Variants in EBF4 observed in about 807,000 individuals in gnomAD.
EBF4 encodes EBF transcription factor 4, also known as transcription factor COE4.
In EBF4, 34 loss-of-function variants were observed where a neutral mutation model predicts 67.1. The observed-to-expected ratio is 0.51, with a 90% CI of 0.39 to 0.67. The LOEUF (loss-of-function observed/expected upper bound fraction) is 0.67. Among genes scored for constraint, EBF4 ranks in the 30% least tolerant of loss-of-function variants. The probability of loss-of-function intolerance (pLI) is 0.00; values close to 1 mark genes in which losing one functional copy is unlikely to be tolerated. For synonymous variants in EBF4, 387 were observed against 377.7 expected (o/e 1.02, Z -0.29); for missense variants, 837 against 873.3 (o/e 0.96, Z 0.52).
At chr20:2,753,061 G>A (rs182100374) in intron 14 of EBF4, among the ~76,000 whole-genome samples, 9 of 152,382 alleles carry the variant, frequency 5.9e-5, no homozygotes, top group African/African-American at 1.9e-4. Context: ...CCGGCAGAGC[G>A]AGCGAGTTCT....
At chr20:2,752,138 C>A in exon 13 of EBF4, 2 of 1,449,496 alleles carry the variant, frequency 1.4e-6, no homozygotes, top group Non-Finnish European at 1.8e-6. Context: ...TACAGCACCC[C>A]CCGCGCACCC....
chr20:2,702,324 C>T lies in EBF4; in HGVS notation c.138-3253C>T, dbSNP rs138948053. Among the ~76,000 whole-genome samples, 831 of 151,956 alleles carry T rather than the reference C, an allele frequency of 5.5e-3. 6 individuals carry two copies. The highest frequency in any genetic ancestry group is 0.019 in the African/African-American group (782 of 41,424). ...ATGCCTGTAGTCCCAGCTACTCGGACGGCTGAGGTGGGAGGATCACGTGAG... is the reference window on the plus strand; with the variant it reads ...ATGCCTGTAGTCCCAGCTACTCGGATGGCTGAGGTGGGAGGATCACGTGAG... On this transcript the variant is annotated intron_variant, in intron 1 of 16. Coordinates refer to ENST00000609451, the Ensembl canonical transcript of EBF4.
intron 6 of EBF4, among the ~76,000 whole-genome samples, chr20:2,731,472 T>G (rs528786641): frequency 1.3e-5 from 2 of 152,184 alleles, no homozygotes; most frequent in East Asian, 3.9e-4. Flanking sequence ...AGACATAACC[T>G]AAAGGTCCCA....
chr20:2,715,486 G>T (rs2087596217), intron 6 of EBF4, among the ~76,000 whole-genome samples: 1 of 152,096 alleles, frequency 6.6e-6, no homozygotes, highest in Middle Eastern at 3.2e-3. Context: ...TATAAACTAG[G>T]TCAGGAATTG....
intron 1 of EBF4, among the ~76,000 whole-genome samples, chr20:2,697,413 CG>C (rs1256909953): frequency 2.0e-5 from 3 of 148,664 alleles, no homozygotes; most frequent in Non-Finnish European, 3.0e-5. Context: ...GGCGTGGTGG[CG>C]GGCGCCTGTA....
chr20:2,727,880 C>T (rs1368294462), intron 6 of EBF4, among the ~76,000 whole-genome samples: 1 of 152,058 alleles, frequency 6.6e-6, no homozygotes, highest in Non-Finnish European at 1.5e-5. Context: ...CATTGAGATC[C>T]GTTGCCTATT....
intron 4 of EBF4, 67 bp downstream of exon 4, chr20:2,706,331 T>C (rs2087458586): frequency 6.5e-7 from 1 of 1,530,774 alleles, no homozygotes; most frequent in Admixed American, 2.0e-5. Flanking sequence ...CCCCCTGGTC[T>C]GAGTGAGCCT....
Position 2,695,748 on chromosome 20 carries a change from A to G in EBF4, c.137+1966A>G, listed in dbSNP as rs537635186. Among the ~76,000 whole-genome samples, 41 of 152,290 alleles carry G rather than the reference A, an allele frequency of 2.7e-4. No homozygotes were observed. The South Asian group carries it at 7.9e-3, about 29-fold the overall frequency. On this transcript the variant is annotated intron_variant, in intron 1 of 16. Transcript: ENST00000609451. ...GTCTTCTCATCCCAAAACAGCAACA[A>G]TGAAAATTCCTCCCCCTGGCCCTGC...
chr20:2,743,463 G>A (rs1051091122), intron 6 of EBF4, among the ~76,000 whole-genome samples: 2 of 152,222 alleles, frequency 1.3e-5, no homozygotes, highest in African/African-American at 2.4e-5. Flanking sequence ...TGTCAAAAGC[G>A]TGATTCTCAT....
intron 15 of EBF4, among the ~76,000 whole-genome samples, chr20:2,758,627 G>A (rs2088279349): frequency 6.6e-6 from 1 of 152,204 alleles, no homozygotes; most frequent in Non-Finnish European, 1.5e-5. Flanking sequence ...GCTTGAGGAA[G>A]CAGATGGGCC....
At chr20:2,757,654 G>C (rs1379924404) in intron 15 of EBF4, among the ~76,000 whole-genome samples, 1 of 152,202 alleles carries the variant, frequency 6.6e-6, no homozygotes, top group Non-Finnish European at 1.5e-5. Context: ...AAAACATTAA[G>C]AACATAACAT....
exon 13 of EBF4, chr20:2,752,101 C>A: frequency 6.9e-7 from 1 of 1,459,106 alleles, no homozygotes; most frequent in Non-Finnish European, 9.0e-7. Flanking sequence ...GCTCCTGAAG[C>A]GCGCGGCGGA....
chr20:2,752,961 T>G (rs2088180571), intron 14 of EBF4, among the ~76,000 whole-genome samples: 1 of 152,140 alleles, frequency 6.6e-6, no homozygotes, highest in Admixed American at 6.5e-5. Context: ...AACTCAGGGC[T>G]CGAGGGAAGC....
chr20:2,702,159 C>T (rs186793583), intron 1 of EBF4, among the ~76,000 whole-genome samples: 6 of 152,284 alleles, frequency 3.9e-5, no homozygotes, highest in African/African-American at 9.6e-5. Context: ...TGAGGCCGGG[C>T]GCAGTGGCTC....
chr20:2,735,252 C>A (rs6051343), intron 6 of EBF4, among the ~76,000 whole-genome samples: 6,874 of 152,202 alleles, frequency 0.045, 520 homozygotes, highest in African/African-American at 0.15. Flanking sequence ...ACTGGGAATA[C>A]AGCTTGTTGA....
intron 6 of EBF4, among the ~76,000 whole-genome samples, chr20:2,718,816 C>T (rs2087642952): frequency 1.3e-5 from 2 of 152,068 alleles, no homozygotes; most frequent in Non-Finnish European, 2.9e-5. Flanking sequence ...CTTCTGCTTA[C>T]TTTTGGTTAA....
chr20:2,693,321 T>A (rs935259124), upstream of EBF4, among the ~76,000 whole-genome samples: 1 of 149,948 alleles, frequency 6.7e-6, no homozygotes, highest in Non-Finnish European at 1.5e-5. The surrounding 1 kb of genome is among the most constrained non-coding windows in gnomAD (Gnocchi z 4.6). Context: ...AGCGCGCCTC[T>A]GGGGCGCCTC....
chr20:2,734,275 G>A (rs1354058771), intron 6 of EBF4, among the ~76,000 whole-genome samples: 1 of 152,164 alleles, frequency 6.6e-6, no homozygotes, highest in East Asian at 1.9e-4. Context: ...TGGGCATGGT[G>A]GCTCATACCT....
chr20:2,693,859 T>G lies in EBF4; in HGVS notation c.137+77T>G, dbSNP rs2087248284. 2 of 1,252,774 alleles carry G rather than the reference T, an allele frequency of 1.6e-6. No individual in the cohort carries two copies. The highest frequency in any genetic ancestry group is 2.0e-6 in the Non-Finnish European group (2 of 997,840). 77.6% of individuals were successfully genotyped at this position (1,252,774 alleles called of 1,614,324 possible). Reference sequence around the variant, plus strand: ...CCTCAGCTCAGCTTGCTGGAGCTGCTGGAGCCAGGGGCGGAAGGAGCCCTA... The same window carrying G: ...CCTCAGCTCAGCTTGCTGGAGCTGCGGGAGCCAGGGGCGGAAGGAGCCCTA... On this transcript the variant is annotated intron_variant, in intron 1 of 16. Coordinates refer to ENST00000609451, the Ensembl canonical transcript of EBF4. The surrounding 1 kb of genome is among the most constrained non-coding windows in gnomAD (Gnocchi z 4.6).
Sources: gnomAD v4.1 joint callset for allele counts (sites outside exome capture counted in the v4.1 genomes callset) on GRCh38, gnomAD v4.1.1 for gene constraint, Gnocchi (gnomAD v3.1) non-coding constraint, MANE v1.5 for transcripts, NCBI Gene and HGNC (gene_info 2026-07-23, HGNC 2026-07-21) for gene names.